SLIT2: variants seen among roughly 807,000 people sequenced by gnomAD.
SLIT2 encodes the protein slit guidance ligand 2, also known as slit homolog 2 protein.
SLIT2 carries 41 observed loss-of-function variants against 185.7 expected under a neutral mutation model. That is an observed-to-expected ratio of 0.22 (90% CI 0.17 to 0.29). The LOEUF (loss-of-function observed/expected upper bound fraction) is 0.29, where lower values mean the gene tolerates loss of function less well. Ranked by LOEUF, SLIT2 falls within the 10% of genes least tolerant of loss-of-function variation. SLIT2 has a pLI of 1.00. For missense variants in SLIT2, 1,571 were observed against 1,909.0 expected, an observed-to-expected ratio of 0.82 and a Z score of 3.30; for synonymous variants, 693 against 680.2, an observed-to-expected ratio of 1.02 and a Z score of -0.29.
At chr4:20,533,843 G>C (rs1032997100) in intron 18 of SLIT2, 128 bp downstream of exon 18, 5 of 601,254 alleles carry the variant, frequency 8.3e-6, no homozygotes, top group Non-Finnish European at 1.4e-5. Flanking sequence ...CACATTCTCT[G>C]TTACACACAC....
intron 4 of SLIT2, among the ~76,000 whole-genome samples, chr4:20,308,051 T>G (rs1046663545): frequency 3.3e-5 from 5 of 152,198 alleles, no homozygotes; most frequent in Admixed American, 6.5e-5. Context: ...TGATTTTTAG[T>G]GATAAGTGCT....
At chr4:20,458,768 T>C (rs1317495819) in intron 4 of SLIT2, among the ~76,000 whole-genome samples, 1 of 152,196 alleles carries the variant, frequency 6.6e-6, no homozygotes, top group Admixed American at 6.5e-5. Flanking sequence ...TTACTAGCTG[T>C]ATGGCCACAG....
intron 29 of SLIT2, among the ~76,000 whole-genome samples, chr4:20,570,413 A>G (rs3886678): frequency 0.07 from 10,600 of 151,910 alleles, 617 homozygotes; most frequent in African/African-American, 0.16. Flanking sequence ...TATTACCAAT[A>G]TTATCACACC....
In SLIT2 at chr4:20,465,959, T is replaced by C. The variant is rs529351021; in HGVS notation, c.396-1793T>C. 1.3e-3 allele frequency among the ~76,000 whole-genome samples: 123 copies of C among 96,168 alleles called. 1 individual carries two copies. Among genetic ancestry groups the C allele is most frequent in the African/African-American group, 3.9e-3 (119 of 30,206 alleles). The allele number at this position is 96,168 out of a possible 152,430, so 63.1% of individuals were successfully genotyped here. Reference sequence around the variant, plus strand: ...CGTTTTTATTCATCTACACACTCTTTGAGGCTTTTTTTTTTTTGTCTTTGA... The same window carrying C: ...CGTTTTTATTCATCTACACACTCTTCGAGGCTTTTTTTTTTTTGTCTTTGA... On this transcript the variant is annotated intron_variant, in intron 4 of 36. Transcript: ENST00000504154.
chr4:20,291,171 A>G (rs1340600578), intron 4 of SLIT2, among the ~76,000 whole-genome samples: 1 of 152,128 alleles, frequency 6.6e-6, no homozygotes, highest in Non-Finnish European at 1.5e-5. Flanking sequence ...TTCCAAATGA[A>G]TGAATTAATA....
chr4:20,281,507 G>C (rs1714772940), intron 4 of SLIT2, among the ~76,000 whole-genome samples: 1 of 152,166 alleles, frequency 6.6e-6, no homozygotes, highest in African/African-American at 2.4e-5. Flanking sequence ...TGAATACCCT[G>C]AAGGCAAAGG....
rs1238191873 is a variant in SLIT2 at position 20,553,870 on chromosome 4, C to T, written c.2627C>T (p.Ser876Leu). The change falls in exon 26 of 37, where the codon TCG becomes TTG. Residue 876 changes from serine (S) to leucine (L), a missense_variant. Physicochemically the swap from Ser to Leu is moderately radical, Grantham distance 145. Around this residue, in one of 3 missense-constraint regions of SLIT2, gnomAD observed 1,202 missense variants for 1,416.4 expected, o/e 0.85. Coordinates refer to ENST00000504154, the MANE Select transcript of SLIT2 (RefSeq NM_004787.4). ...CAGTGGTTATCCGACTGGGTGAAGT[C>T]GGAATATAAGGAGCCTGGAATTGCT... ...NMQWLSDWVK[S>L]EYKEPGIARC... 2.5e-6 allele frequency: 4 copies of T among 1,611,114 alleles called. No individual in the cohort carries two copies. Among genetic ancestry groups the T allele is most frequent in the South Asian group, 1.1e-5 (1 of 90,404 alleles).
intron 34 of SLIT2, among the ~76,000 whole-genome samples, chr4:20,612,786 C>T (rs540149050): frequency 1.2e-4 from 18 of 151,980 alleles, no homozygotes; most frequent in Admixed American, 2.6e-4. Flanking sequence ...GGCATGGTGG[C>T]GGGCACCTTT....
At chr4:20,447,327 A>G (rs1711924775) in intron 4 of SLIT2, among the ~76,000 whole-genome samples, 1 of 152,190 alleles carries the variant, frequency 6.6e-6, no homozygotes, top group African/African-American at 2.4e-5. Flanking sequence ...TGAGCAAGGG[A>G]CAAGGATCAC....
At chr4:20,519,272 G>A in intron 11 of SLIT2, 110 bp from the exon 12 acceptor site, 1 of 668,370 alleles carries the variant, frequency 1.5e-6, no homozygotes, top group East Asian at 2.7e-5. Flanking sequence ...TAACTTTTAT[G>A]ATGTATTGAT....
chr4:20,494,407 C>T (rs556714518), intron 9 of SLIT2, among the ~76,000 whole-genome samples: 2 of 152,154 alleles, frequency 1.3e-5, no homozygotes, highest in East Asian at 1.9e-4. Context: ...AAGTGAGAAG[C>T]GGGACCAAAA....
At chr4:20,419,667 C>CTTTGTG (rs768686078) in intron 4 of SLIT2, among the ~76,000 whole-genome samples, 3 of 137,996 alleles carry the variant, frequency 2.2e-5, no homozygotes, top group African/African-American at 8.2e-5. Context: ...AAGTTTTAAG[C>CTTTGTG]TGTGTGTGTG....
intron 4 of SLIT2, among the ~76,000 whole-genome samples, chr4:20,332,109 G>A (rs1482027465): frequency 2.6e-5 from 4 of 152,092 alleles, no homozygotes; most frequent in Non-Finnish European, 1.5e-5. Context: ...TTGTGTAGAA[G>A]CAATTGTTTC....
chr4:20,428,618 G>T (rs553260503), intron 4 of SLIT2, among the ~76,000 whole-genome samples: 1 of 152,090 alleles, frequency 6.6e-6, no homozygotes, highest in South Asian at 2.1e-4. Context: ...AGGCCTTTGA[G>T]TGCCCCTAAG....
At chr4:20,543,284 G>T (rs571328555) in intron 21 of SLIT2, among the ~76,000 whole-genome samples, 1 of 151,984 alleles carries the variant, frequency 6.6e-6, no homozygotes, top group Non-Finnish European at 1.5e-5. Flanking sequence ...AAATTATATG[G>T]CCAGGATATA....
At chr4:20,389,039 C>A (rs1350608181) in intron 4 of SLIT2, among the ~76,000 whole-genome samples, 1 of 149,302 alleles carries the variant, frequency 6.7e-6, no homozygotes, top group East Asian at 2.0e-4. Context: ...GTTAGTTCAC[C>A]ATAGTTTATG....
chr4:20,328,193 A>C (rs1225458073), intron 4 of SLIT2, among the ~76,000 whole-genome samples: 1 of 152,100 alleles, frequency 6.6e-6, no homozygotes, highest in Non-Finnish European at 1.5e-5. Flanking sequence ...AATTGTAAGT[A>C]AATTTTGAAT....
intron 4 of SLIT2, among the ~76,000 whole-genome samples, chr4:20,293,068 A>G (rs1218825266): frequency 2.0e-5 from 3 of 152,166 alleles, no homozygotes; most frequent in Non-Finnish European, 4.4e-5. Flanking sequence ...AAGAGGGGGG[A>G]AAAAGTCTGT....
rs10050017 is a variant in SLIT2, at chr4:20,355,594, G to A, written c.395+86713G>A. ...ATGCTACTTTTCCTAGCAAATGCAG[G>A]TGGTCATTGTATGAAGCACATATGA... On this transcript the variant is annotated intron_variant, in intron 4 of 36. Coordinates refer to ENST00000504154, the MANE Select transcript of SLIT2 (RefSeq NM_004787.4). Among the ~76,000 whole-genome samples the A allele has an allele frequency of 4.6e-3, 699 of 152,202 alleles. 10 individuals carry two copies. The highest frequency in any genetic ancestry group is 0.016 in the African/African-American group (679 of 41,536).
Sources: gnomAD v4.1 joint callset for allele counts (sites outside exome capture counted in the v4.1 genomes callset) on GRCh38, gnomAD v4.1.1 for gene constraint, gnomAD v4.1.1 regional missense constraint, MANE v1.5 for transcripts, NCBI Gene and HGNC (gene_info 2026-07-23, HGNC 2026-07-21) for gene names.